The following CAMTA1 variants were observed in gnomAD, a reference collection of about 807,000 sequenced individuals.
CAMTA1 encodes calmodulin binding transcription activator 1.
In CAMTA1, 27 loss-of-function variants were observed where a neutral mutation model predicts 170.9. The observed-to-expected ratio is 0.16, with a 90% CI of 0.12 to 0.22. The LOEUF is 0.22. CAMTA1 is among the 10% of genes least tolerant of loss of function. The pLI, the probability that CAMTA1 is intolerant of heterozygous loss-of-function variation, is 1.00. For missense variants in CAMTA1, 1,619 were observed against 2,217.2 expected (o/e 0.73, Z 5.42); for synonymous variants, 833 against 891.5 (o/e 0.93, Z 1.17).
chr1:7,026,129 A>T (rs545389117), intron 3 of CAMTA1, among the ~76,000 whole-genome samples: 2 of 152,192 alleles, frequency 1.3e-5, no homozygotes, highest in African/African-American at 4.8e-5. Context: ...TAAAAAAAAA[A>T]AAAAGAAACA....
At chr1:7,713,015 A>C (rs572627481) in intron 11 of CAMTA1, among the ~76,000 whole-genome samples, 8 of 152,196 alleles carry the variant, frequency 5.3e-5, no homozygotes, top group Non-Finnish European at 8.8e-5. Context: ...GGATTATGGG[A>C]GCTACCATTC....
At chr1:7,054,579 G>A (rs115781651) in intron 3 of CAMTA1, among the ~76,000 whole-genome samples, 2,568 of 152,328 alleles carry the variant, frequency 0.017, 82 homozygotes, top group African/African-American at 0.059. Context: ...GGCTGTGCAT[G>A]CCGGTGGTGA....
chr1:6,990,588 A>T (rs1250853383), intron 3 of CAMTA1, among the ~76,000 whole-genome samples: 4 of 152,106 alleles, frequency 2.6e-5, no homozygotes, highest in Non-Finnish European at 5.9e-5. Context: ...GTTTTGACAG[A>T]TGTGTCTACC....
At chr1:7,362,058 G>A (rs1243139296) in intron 5 of CAMTA1, among the ~76,000 whole-genome samples, 1 of 152,270 alleles carries the variant, frequency 6.6e-6, no homozygotes, top group East Asian at 1.9e-4. Context: ...GACAGGGCCA[G>A]AAGGCCTAAT....
In CAMTA1 at chr1:7,738,549, C is replaced by A; in HGVS notation, c.4182+67C>A. On this transcript the variant is annotated intron_variant, in intron 16 of 22. Transcript: ENST00000303635. The surrounding 1 kb of genome is among the most constrained non-coding windows in gnomAD (Gnocchi z 4.9). ...TTCCAGTTGCTGTGATCTTTATGGT[C>A]CATTTCCGAAGGTTGTGTCATTTTC... The A allele has an allele frequency of 1.3e-6, 2 of 1,520,128 alleles. No individual in the cohort carries two copies. Among genetic ancestry groups the A allele is most frequent in the South Asian group, 1.3e-5 (1 of 79,890 alleles). The allele number at this position is 1,520,128 out of a possible 1,614,324, so 94.2% of individuals were successfully genotyped here.
At chr1:6,953,581 A>T (rs10864252) in intron 3 of CAMTA1, among the ~76,000 whole-genome samples, 67,499 of 152,026 alleles carry the variant, frequency 0.44, 15,281 homozygotes, top group East Asian at 0.56. Flanking sequence ...CTGCTCCTGA[A>T]TTTCCCATCT....
chr1:7,437,876 C>T lies in CAMTA1; in HGVS notation c.439-29954C>T, dbSNP rs552239509. Among the ~76,000 whole-genome samples the T allele has an allele frequency of 1.0e-3, 159 of 152,318 alleles. 1 individual carries two copies. The highest frequency in any genetic ancestry group is 3.7e-3 in the African/African-American group (153 of 41,564). On this transcript the variant is annotated intron_variant, in intron 5 of 22. Transcript: ENST00000303635. The stretch of plus-strand genomic sequence containing the variant: ...CAGCACATGGGTGAAGCAGGCCGCA[C>T]GACAGCCAAGGTTTTACCACCTGGG...
In CAMTA1 at chr1:7,674,941, C is replaced by T. The variant is rs11589234; in HGVS notation, c.2780-2658C>T. On this transcript the variant is annotated intron_variant, in intron 10 of 22. Coordinates refer to ENST00000303635, the MANE Select transcript of CAMTA1 (RefSeq NM_015215.4). This position sits in a 1 kb window ranked among gnomAD's most constrained non-coding sequence, Gnocchi z 4.1. ...CAGAGCCAGTCCCAGCTCTCATGAG[C>T]TAATGTTCTACTGCAGGGAGACAGA... Among the ~76,000 whole-genome samples the T allele has an allele frequency of 1.3e-5, 2 of 152,162 alleles. No homozygotes were observed. Among genetic ancestry groups the T allele is most frequent in the African/African-American group, 4.8e-5 (2 of 41,420 alleles).
chr1:6,824,524 G>T (rs1338792960), intron 2 of CAMTA1, among the ~76,000 whole-genome samples: 4 of 152,094 alleles, frequency 2.6e-5, no homozygotes, highest in Non-Finnish European at 5.9e-5. Context: ...ATGATTTTAT[G>T]TTCAGACCTA....
intron 20 of CAMTA1, among the ~76,000 whole-genome samples, chr1:7,752,055 C>G (rs1241994930): frequency 6.6e-6 from 1 of 152,186 alleles, no homozygotes; most frequent in Admixed American, 6.5e-5. Flanking sequence ...ATATATTGAT[C>G]AGTACATTTA....
At position 6,891,999 on chromosome 1, in the gene CAMTA1, A is replaced by T. The variant is rs534544697; in HGVS notation, c.234+66789A>T. 3.3e-5 allele frequency among the ~76,000 whole-genome samples: 5 copies of T among 152,300 alleles called. No individual in the cohort carries two copies. The South Asian group carries it at 1.0e-3, about 32-fold the overall frequency. On this transcript the variant is annotated intron_variant, in intron 3 of 22. Transcript: ENST00000303635. The stretch of plus-strand genomic sequence containing the variant: ...CAGAGTTAGAGCCCAGGTCCACGTG[A>T]GTCATTGTACAGACACATCCTGAGC...
chr1:6,845,148 A>G (rs1454400965), intron 3 of CAMTA1, among the ~76,000 whole-genome samples: 2 of 152,196 alleles, frequency 1.3e-5, no homozygotes, highest in Middle Eastern at 3.2e-3. Context: ...GAACGGGACC[A>G]CAAAGGAAAG....
At chr1:7,336,509 C>T (rs866295413) in intron 5 of CAMTA1, among the ~76,000 whole-genome samples, 1 of 152,324 alleles carries the variant, frequency 6.6e-6, no homozygotes, top group South Asian at 2.1e-4. Flanking sequence ...ATAGTCCCTG[C>T]TTCCATGACC....
At chr1:7,686,700 G>A (rs2149361196) in intron 11 of CAMTA1, among the ~76,000 whole-genome samples, 1 of 152,252 alleles carries the variant, frequency 6.6e-6, no homozygotes, top group Admixed American at 6.5e-5. Context: ...GTCTCCACCG[G>A]CACAGAGACT....
chr1:6,924,785 A>G (rs1682763210), intron 3 of CAMTA1, among the ~76,000 whole-genome samples: 1 of 152,206 alleles, frequency 6.6e-6, no homozygotes, highest in African/African-American at 2.4e-5. Flanking sequence ...TACCCTTTCT[A>G]TTACTATACC....
At chr1:7,645,576 C>A (rs1249460725) in intron 7 of CAMTA1, among the ~76,000 whole-genome samples, 2 of 152,252 alleles carry the variant, frequency 1.3e-5, no homozygotes, top group Admixed American at 6.5e-5. Flanking sequence ...GGCCAGATGG[C>A]CCTGCAGCCA....
intron 11 of CAMTA1, among the ~76,000 whole-genome samples, chr1:7,709,212 G>A (rs1382073963): frequency 1.3e-5 from 2 of 152,212 alleles, no homozygotes; most frequent in African/African-American, 4.8e-5. Context: ...TTTATGGGGT[G>A]CAGAGGGGCC....
At chr1:7,569,593 ATCAG>A (rs1308073912) in intron 6 of CAMTA1, among the ~76,000 whole-genome samples, 1 of 151,610 alleles carries the variant, frequency 6.6e-6, no homozygotes, top group Admixed American at 6.6e-5. Context: ...CACCATCATC[ATCAG>A]TGTCATCACC....
At chr1:7,150,689 C>T (rs1425467388) in intron 4 of CAMTA1, among the ~76,000 whole-genome samples, 2 of 152,016 alleles carry the variant, frequency 1.3e-5, no homozygotes, top group Admixed American at 6.6e-5. Flanking sequence ...ATGTAACTCT[C>T]GGCATGTTTA....
Sources: gnomAD v4.1 joint callset for allele counts (sites outside exome capture counted in the v4.1 genomes callset) on GRCh38, gnomAD v4.1.1 for gene constraint, Gnocchi (gnomAD v3.1) non-coding constraint, MANE v1.5 for transcripts, NCBI Gene and HGNC (gene_info 2026-07-23, HGNC 2026-07-21) for gene names.